The following SHANK2 variants were observed in gnomAD, a reference collection of about 807,000 sequenced individuals.
SHANK2 encodes SH3 and multiple ankyrin repeat domains 2, also known as SH3 and multiple ankyrin repeat domains protein 2.
SHANK2 carries 43 observed loss-of-function variants against 133.7 expected under a neutral mutation model. The ratio of observed to expected loss-of-function variants is 0.32; its 90% CI spans 0.25 to 0.41. SHANK2 has a LOEUF of 0.41. Among genes scored for constraint, SHANK2 ranks in the 10% least tolerant of loss-of-function variants. The pLI is 1.00. For missense variants in SHANK2, 1,994 were observed against 2,235.8 expected (o/e 0.89, Z 2.18); for synonymous variants, 1,017 against 952.8 (o/e 1.07, Z -1.24).
chr11:70,502,724 CTGTCCTGCCCGCCCCCA>C (rs1555159009), intron 18 of SHANK2, 55 bp downstream of exon 18: 2 of 1,002,694 alleles, frequency 2.0e-6, no homozygotes, highest in African/African-American at 3.5e-5. Context: ...TGCCCCCCAG[CTGTCCTGCCCGCCCCCA>C]CCCCCCCCCC....
At chr11:70,524,180 C>T (rs551105283) in intron 17 of SHANK2, among the ~76,000 whole-genome samples, 2 of 152,334 alleles carry the variant, frequency 1.3e-5, no homozygotes, top group Admixed American at 1.3e-4. Flanking sequence ...CAGCGGAGCC[C>T]TGGGTCCTCC....
rs919014045 is a variant in SHANK2 at position 70,578,964 on chromosome 11, G to A, written c.2062-76033C>T. On this transcript the variant is annotated intron_variant, in intron 17 of 25. Transcript: ENST00000601538. ...ATTCCCACACACCTCAGCACCAGCCGGGCGACCCCATCCACCCTCTGCCCA... is the reference window on the plus strand; with the variant it reads ...ATTCCCACACACCTCAGCACCAGCCAGGCGACCCCATCCACCCTCTGCCCA... 4.6e-5 allele frequency among the ~76,000 whole-genome samples: 7 copies of A among 152,148 alleles called. 1 individual carries two copies. Among genetic ancestry groups the A allele is most frequent in the Admixed American group, 3.9e-4 (6 of 15,276 alleles).
chr11:70,861,951 A>G (rs1949265433), intron 11 of SHANK2, among the ~76,000 whole-genome samples: 1 of 152,140 alleles, frequency 6.6e-6, no homozygotes, highest in Admixed American at 6.5e-5. Context: ...ATAGTGGGAC[A>G]CAGGTGCAGC....
chr11:70,505,075 A>G (rs907407091), intron 17 of SHANK2, among the ~76,000 whole-genome samples: 11 of 152,326 alleles, frequency 7.2e-5, no homozygotes, highest in African/African-American at 2.4e-4. Flanking sequence ...AAGTGAACAC[A>G]TAACTTCAGG....
intron 3 of SHANK2, among the ~76,000 whole-genome samples, chr11:71,133,448 G>GGACA (rs1432185643): frequency 8.3e-5 from 11 of 132,546 alleles, no homozygotes; most frequent in Non-Finnish European, 1.5e-4. Context: ...AGGGACGGAC[G>GGACA]GACAGACGGA....
chr11:70,698,494 A>G (rs10793253), intron 15 of SHANK2, among the ~76,000 whole-genome samples, 194 bp downstream of exon 15: 82,057 of 152,098 alleles, frequency 0.54, 22,541 homozygotes, highest in African/African-American at 0.63. Flanking sequence ...GACACAAACC[A>G]AAGGTGGCAC....
intron 10 of SHANK2, among the ~76,000 whole-genome samples, chr11:70,925,241 C>T (rs749744843): frequency 3.9e-5 from 6 of 152,190 alleles, no homozygotes; most frequent in Non-Finnish European, 7.4e-5. Context: ...TCATCAGCAA[C>T]GTTATGGAAT....
chr11:70,844,812 C>T (rs59696817), intron 11 of SHANK2, among the ~76,000 whole-genome samples: 3 of 152,302 alleles, frequency 2.0e-5, no homozygotes, highest in African/African-American at 7.2e-5. Context: ...GGTCTGAGCG[C>T]CCCCATGGCC....
intron 14 of SHANK2, among the ~76,000 whole-genome samples, chr11:70,716,013 A>T (rs1396727681): frequency 6.6e-6 from 1 of 151,758 alleles, no homozygotes; most frequent in African/African-American, 2.4e-5. Context: ...CCTGCCCCCT[A>T]TGCCTGCCCC....
At chr11:71,143,789 G>A (rs868963614) in intron 3 of SHANK2, among the ~76,000 whole-genome samples, 3 of 152,018 alleles carry the variant, frequency 2.0e-5, no homozygotes, top group South Asian at 4.2e-4. Context: ...GTAAGATTCC[G>A]TATTGACCTA....
intron 11 of SHANK2, among the ~76,000 whole-genome samples, chr11:70,887,497 T>C (rs1261730856): frequency 2.6e-5 from 4 of 152,126 alleles, no homozygotes; most frequent in African/African-American, 9.7e-5. Flanking sequence ...GAGATACACT[T>C]GAATCCATTT....
chr11:70,780,347 T>C (rs556226626), intron 14 of SHANK2, among the ~76,000 whole-genome samples: 1 of 152,216 alleles, frequency 6.6e-6, no homozygotes, highest in Admixed American at 6.5e-5. Flanking sequence ...CCAGGCCAGC[T>C]CTGCCATGAG....
chr11:70,851,918 C>T (rs1014109329), intron 11 of SHANK2, among the ~76,000 whole-genome samples: 6 of 152,148 alleles, frequency 3.9e-5, no homozygotes, highest in Non-Finnish European at 5.9e-5. Context: ...GACTCATAAA[C>T]GACTGTGATA....
chr11:71,135,463 C>G (rs1170477606), intron 3 of SHANK2, among the ~76,000 whole-genome samples: 3 of 151,350 alleles, frequency 2.0e-5, no homozygotes, highest in Non-Finnish European at 2.9e-5. Context: ...TAGGTGTGTG[C>G]CCAGACTAGG....
chr11:71,221,283 T>G (rs1954534083), intron 2 of SHANK2, among the ~76,000 whole-genome samples: 1 of 151,756 alleles, frequency 6.6e-6, no homozygotes, highest in African/African-American at 2.4e-5. Context: ...AAAAACAAAA[T>G]TTCATTTACA....
intron 8 of SHANK2, among the ~76,000 whole-genome samples, chr11:71,088,342 T>C (rs1464236280): frequency 6.6e-6 from 1 of 152,078 alleles, no homozygotes; most frequent in African/African-American, 2.4e-5. Flanking sequence ...GCACACCCTA[T>C]TGGTTCTGTT....
chr11:71,209,820 G>A (rs572972733), intron 2 of SHANK2, among the ~76,000 whole-genome samples: 2 of 152,202 alleles, frequency 1.3e-5, no homozygotes, highest in South Asian at 4.1e-4. Flanking sequence ...TATACTGGGG[G>A]GTCTCTGCCA....
intron 17 of SHANK2, among the ~76,000 whole-genome samples, chr11:70,656,609 C>T (rs782030314): frequency 1.2e-4 from 18 of 152,286 alleles, no homozygotes; most frequent in Admixed American, 6.5e-4. Flanking sequence ...AATTCCGGCA[C>T]ACTAGCTGAT....
chr11:70,863,462 T>C (rs1565368508), intron 11 of SHANK2: 1 of 457,650 alleles, frequency 2.2e-6, no homozygotes, highest in Non-Finnish European at 4.4e-6. Context: ...CACGGCTATG[T>C]GGTGGAAGAC....
Sources: allele counts gnomAD v4.1 joint callset (sites outside exome capture counted in the v4.1 genomes callset), GRCh38; gene constraint gnomAD v4.1.1; transcripts MANE v1.5; gene names NCBI Gene and HGNC (gene_info 2026-07-23, HGNC 2026-07-21).